PSD3: variants seen among roughly 807,000 people sequenced by gnomAD.
PSD3 encodes the protein pleckstrin and Sec7 domain containing 3, also known as PH and SEC7 domain-containing protein 3.
PSD3 carries 49 observed loss-of-function variants against 105.5 expected under a neutral mutation model. The ratio of observed to expected loss-of-function variants is 0.46; its 90% CI spans 0.37 to 0.59. The LOEUF is 0.59. PSD3 is among the 20% of genes least tolerant of loss of function. PSD3 has a pLI of 0.00. For missense variants in PSD3, 1,561 were observed against 1,263.8 expected, an observed-to-expected ratio of 1.24 and a Z score of -3.57; for synonymous variants, 557 against 457.8, an observed-to-expected ratio of 1.22 and a Z score of -2.77.
intron 1 of PSD3, among the ~76,000 whole-genome samples, chr8:19,049,433 C>A (rs966387388): frequency 6.6e-6 from 1 of 152,132 alleles, no homozygotes; most frequent in Non-Finnish European, 1.5e-5. Flanking sequence ...CCCACACCTG[C>A]AATCTCAGTG....
intron 9 of PSD3, among the ~76,000 whole-genome samples, chr8:18,745,537 A>G (rs1403455842): frequency 1.3e-5 from 2 of 152,138 alleles, no homozygotes; most frequent in East Asian, 1.9e-4. Context: ...TGGCACCACA[A>G]GATGTTCTAG....
rs539461676 is a variant in PSD3, at chr8:18,825,460, G to C, written c.1635-20562C>G. Among the ~76,000 whole-genome samples the C allele has an allele frequency of 1.4e-4, 22 of 152,234 alleles. No individual in the cohort carries two copies. In the South Asian group the frequency reaches 3.1e-3, roughly 22 times the overall value. ...TCTAACTAGGCATTCAGTGTCCACT[G>C]GCTATAAGCATCCTCACCGTAACTA... On this transcript the variant is annotated intron_variant, in intron 4 of 15. Coordinates refer to ENST00000327040, the MANE Select transcript of PSD3 (RefSeq NM_015310.4).
At chr8:18,930,049 T>A (rs1009973820) in intron 2 of PSD3, among the ~76,000 whole-genome samples, 1 of 152,124 alleles carries the variant, frequency 6.6e-6, no homozygotes, top group Admixed American at 6.6e-5. Context: ...ACCTATCTAA[T>A]AGGAACTGCA....
intron 11 of PSD3, among the ~76,000 whole-genome samples, chr8:18,612,549 T>A (rs1295112956): frequency 6.6e-6 from 1 of 152,084 alleles, no homozygotes; most frequent in Non-Finnish European, 1.5e-5. Context: ...TGTTGTTGTA[T>A]TTTAGTAGAG....
chr8:18,692,685 A>AT (rs138778098), intron 9 of PSD3, among the ~76,000 whole-genome samples: 13 of 152,192 alleles, frequency 8.5e-5, no homozygotes, highest in Admixed American at 2.6e-4. Flanking sequence ...GGGATTATTC[A>AT]TTTTTTTCTT....
chr8:18,729,460 G>C (rs1272108657), intron 9 of PSD3, among the ~76,000 whole-genome samples: 1 of 152,138 alleles, frequency 6.6e-6, no homozygotes, highest in African/African-American at 2.4e-5. Context: ...AAGATGAAGA[G>C]GGCTGTATCT....
chr8:18,740,309 T>G (rs1199297350), intron 9 of PSD3, among the ~76,000 whole-genome samples: 1 of 152,130 alleles, frequency 6.6e-6, no homozygotes, highest in Non-Finnish European at 1.5e-5. Flanking sequence ...CAACCTACTC[T>G]CTCTCTCCTC....
At chr8:18,708,538 T>C (rs758523169) in intron 9 of PSD3, among the ~76,000 whole-genome samples, 9 of 152,172 alleles carry the variant, frequency 5.9e-5, no homozygotes, top group Non-Finnish European at 1.3e-4. Context: ...ACCACACAGC[T>C]GTCTCTCCGT....
At position 18,535,464 on chromosome 8, in the gene PSD3, C is replaced by A; in HGVS notation, c.*279G>T. The stretch of plus-strand genomic sequence containing the variant: ...GAGCAGACTGCAAACAAGAGAAAAC[C>A]AAAAGAGAAGGGATACATAATTCAT... On this transcript the variant is annotated 3_prime_UTR_variant, in exon 16 of 16. Coordinates refer to ENST00000327040, the MANE Select transcript of PSD3 (RefSeq NM_015310.4). 4.9e-6 allele frequency: 2 copies of A among 407,778 alleles called. No individual in the cohort carries two copies. The highest frequency in any genetic ancestry group is 4.3e-5 in the East Asian group (1 of 23,206). The allele number at this position is 407,778 out of a possible 1,614,324, so 25.3% of individuals were successfully genotyped here. A position where few individuals can be genotyped will look rare whatever the true frequency, so the allele number is the denominator to read the frequency against.
intron 12 of PSD3, among the ~76,000 whole-genome samples, chr8:18,578,082 T>C (rs1309788293): frequency 1.3e-5 from 2 of 152,274 alleles, no homozygotes; most frequent in Non-Finnish European, 2.9e-5. Context: ...TACCATCTTC[T>C]AGCTTCCAGT....
At chr8:18,956,231 A>G (rs988575485) in intron 1 of PSD3, among the ~76,000 whole-genome samples, 1 of 152,220 alleles carries the variant, frequency 6.6e-6, no homozygotes, top group Non-Finnish European at 1.5e-5. Flanking sequence ...AGATTGTATC[A>G]CATGAAGGAA....
chr8:19,017,834 T>C (rs1586633509), upstream of PSD3, among the ~76,000 whole-genome samples: 1 of 152,254 alleles, frequency 6.6e-6, no homozygotes, highest in Non-Finnish European at 1.5e-5. Context: ...TTGTTTCTAC[T>C]TTTTGGCTGT....
chr8:18,536,112 G>A (rs1015656412), intron 15 of PSD3, among the ~76,000 whole-genome samples, 154 bp from the exon 16 acceptor site: 4 of 152,202 alleles, frequency 2.6e-5, no homozygotes, highest in African/African-American at 9.6e-5. Flanking sequence ...CACTTACTGG[G>A]CACATGAGAG....
intron 9 of PSD3, chr8:18,721,053 G>A (rs1187712529): frequency 1.3e-5 from 2 of 152,078 alleles, no homozygotes; most frequent in Non-Finnish European, 2.9e-5. Context: ...CTTGGGGAAA[G>A]AAGTCTCTGC....
intron 2 of PSD3, among the ~76,000 whole-genome samples, chr8:18,918,341 A>C (rs529996110): frequency 2.0e-4 from 30 of 152,152 alleles, no homozygotes; most frequent in Non-Finnish European, 3.8e-4. Flanking sequence ...TCTTCCAAGA[A>C]GCCTTCTCTC....
chr8:18,539,909 A>T (rs1800063369), intron 15 of PSD3, among the ~76,000 whole-genome samples: 1 of 152,154 alleles, frequency 6.6e-6, no homozygotes, highest in South Asian at 2.1e-4. Flanking sequence ...ATCAGTGTTC[A>T]AGTGGTCATC....
intron 2 of PSD3, among the ~76,000 whole-genome samples, chr8:18,891,679 T>G (rs1818790502): frequency 1.3e-5 from 2 of 152,092 alleles, no homozygotes; most frequent in Admixed American, 1.3e-4. Context: ...GTTTTCTCCC[T>G]CTTTTTACCC....
intron 10 of PSD3, among the ~76,000 whole-genome samples, chr8:18,636,132 A>G (rs1000127528): frequency 1.3e-5 from 2 of 152,148 alleles, no homozygotes; most frequent in African/African-American, 4.8e-5. Flanking sequence ...CAGTGGGACA[A>G]TACATGAGGC....
At position 18,903,053 on chromosome 8, in the gene PSD3, T is replaced by G. The variant is rs114618821; in HGVS notation, c.131-30320A>C. Among the ~76,000 whole-genome samples the G allele has an allele frequency of 4.8e-3, 737 of 152,228 alleles. 6 individuals carry two copies. The highest frequency in any genetic ancestry group is 0.017 in the African/African-American group (704 of 41,532). Reference sequence around the variant, plus strand: ...GGCACCTGCATCTTGGAGTGCGAACTTGCTGTCTGTGAAAGGATTGGATGT... The same window carrying G: ...GGCACCTGCATCTTGGAGTGCGAACGTGCTGTCTGTGAAAGGATTGGATGT... On this transcript the variant is annotated intron_variant, in intron 2 of 15. Transcript: ENST00000327040.
Sources: gnomAD v4.1 joint callset for allele counts (sites outside exome capture counted in the v4.1 genomes callset) on GRCh38, gnomAD v4.1.1 for gene constraint, MANE v1.5 for transcripts, NCBI Gene and HGNC (gene_info 2026-07-23, HGNC 2026-07-21) for gene names.